Variants in CWC27 observed in about 807,000 individuals in gnomAD.
CWC27 encodes the protein CWC27 spliceosome associated cyclophilin.
In CWC27, 47 loss-of-function variants were observed where a neutral mutation model predicts 63.6. The ratio of observed to expected loss-of-function variants is 0.74; its 90% CI spans 0.58 to 0.94. The LOEUF is 0.94. Ranked by LOEUF, CWC27 falls within the 40% of genes least tolerant of loss-of-function variation. The pLI is 0.00. For synonymous variants in CWC27, 175 were observed against 179.8 expected (o/e 0.97, Z 0.22); for missense variants, 495 against 554.3 (o/e 0.89, Z 1.07).
At chr5:64,885,786 C>G (rs1031004484) in intron 11 of CWC27, among the ~76,000 whole-genome samples, 3 of 146,190 alleles carry the variant, frequency 2.1e-5, no homozygotes, top group African/African-American at 7.5e-5. Context: ...AATTTCCACC[C>G]AGGAAATTTG....
intron 3 of CWC27, among the ~76,000 whole-genome samples, chr5:64,783,124 G>GA (rs1743757278): frequency 6.6e-6 from 1 of 152,078 alleles, no homozygotes; most frequent in Non-Finnish European, 1.5e-5. Flanking sequence ...ATTTATTAAG[G>GA]AAAAATATCT....
At chr5:64,954,205 C>G (rs1177853883) in intron 11 of CWC27, among the ~76,000 whole-genome samples, 1 of 152,126 alleles carries the variant, frequency 6.6e-6, no homozygotes, top group East Asian at 1.9e-4. Flanking sequence ...TCATTTTCTA[C>G]AGTTTTCAGC....
At chr5:64,870,411 A>C (rs1416956877) in intron 10 of CWC27, among the ~76,000 whole-genome samples, 1 of 151,994 alleles carries the variant, frequency 6.6e-6, no homozygotes, top group African/African-American at 2.4e-5. Context: ...AGTCACTCCA[A>C]AATATTTGAG....
intron 2 of CWC27, among the ~76,000 whole-genome samples, chr5:64,778,383 G>A (rs989072850): frequency 6.6e-6 from 1 of 152,060 alleles, no homozygotes; most frequent in Non-Finnish European, 1.5e-5. Context: ...GGGTAAGAGT[G>A]ACATTTTGAA....
intron 11 of CWC27, among the ~76,000 whole-genome samples, chr5:64,886,083 T>G (rs1475217780): frequency 6.6e-6 from 1 of 152,180 alleles, no homozygotes; most frequent in East Asian, 1.9e-4. Context: ...TTGTTTTTAC[T>G]CTTATGTTAA....
chr5:64,865,393 G>C (rs1746508269), intron 10 of CWC27, among the ~76,000 whole-genome samples: 1 of 152,010 alleles, frequency 6.6e-6, no homozygotes, highest in African/African-American at 2.4e-5. Context: ...GTAGAAGTTA[G>C]TTAGTATTCA....
chr5:64,853,595 G>T (rs770042672), intron 10 of CWC27, among the ~76,000 whole-genome samples: 1 of 151,968 alleles, frequency 6.6e-6, no homozygotes, highest in East Asian at 2.0e-4. Context: ...AGTTCTGTAG[G>T]CTGTAAGCAT....
At chr5:64,803,411 T>C (rs1233114894) in intron 9 of CWC27, among the ~76,000 whole-genome samples, 1 of 152,160 alleles carries the variant, frequency 6.6e-6, no homozygotes. Flanking sequence ...TCATGGAGTG[T>C]TTGCTGTAAT....
chr5:64,821,277 G>T (rs1745191173), intron 10 of CWC27, among the ~76,000 whole-genome samples: 1 of 151,970 alleles, frequency 6.6e-6, no homozygotes, highest in South Asian at 2.1e-4. Context: ...TAGAGACGGG[G>T]TTTCACCACG....
intron 10 of CWC27, among the ~76,000 whole-genome samples, chr5:64,854,008 C>G (rs557833008): frequency 6.6e-6 from 1 of 152,334 alleles, no homozygotes; most frequent in South Asian, 2.1e-4. Flanking sequence ...CACCATTCTA[C>G]TTTCTGTTTC....
At chr5:64,879,715 G>T (rs2112335861) in intron 10 of CWC27, among the ~76,000 whole-genome samples, 1 of 151,284 alleles carries the variant, frequency 6.6e-6, no homozygotes, top group Middle Eastern at 3.4e-3. Context: ...GGAGTGTGTG[G>T]ATTACAAGTC....
intron 10 of CWC27, chr5:64,804,707 G>C: frequency 5.4e-6 from 1 of 185,174 alleles, no homozygotes; most frequent in Non-Finnish European, 1.1e-5. Flanking sequence ...ATACCAATGA[G>C]AGCAGTAGAG....
Position 64,908,157 on chromosome 5 carries a change from A to G in CWC27, c.1042+22611A>G, listed in dbSNP as rs539637246. On this transcript the variant is annotated intron_variant, in intron 11 of 13. Transcript: ENST00000381070. ...TTCGTTATTTACCCAGGATTCACTC[A>G]GGAGCAGGTTGTTTAGTTTCCATGT... Among the ~76,000 whole-genome samples, 28 of 152,324 alleles carry G rather than the reference A, an allele frequency of 1.8e-4. No homozygotes were observed. The South Asian group carries it at 4.2e-3, about 23-fold the overall frequency.
chr5:65,008,036 C>T (rs1409867246), intron 13 of CWC27, among the ~76,000 whole-genome samples: 1 of 152,192 alleles, frequency 6.6e-6, no homozygotes, highest in African/African-American at 2.4e-5. Flanking sequence ...AATATGGTCA[C>T]ATAGTATATT....
At chr5:64,910,087 G>A (rs1341464938) in intron 11 of CWC27, among the ~76,000 whole-genome samples, 1 of 152,178 alleles carries the variant, frequency 6.6e-6, no homozygotes, top group Non-Finnish European at 1.5e-5. Context: ...GATCTTTGAT[G>A]TTGGTGACCT....
intron 9 of CWC27, 149 bp from the exon 10 acceptor site, chr5:64,804,080 A>T: frequency 1.5e-6 from 1 of 685,954 alleles, no homozygotes; most frequent in Non-Finnish European, 2.2e-6. Context: ...CAGATTCTTC[A>T]AGGGCTTATA....
At chr5:64,805,910 T>A (rs1178922483) in intron 10 of CWC27, among the ~76,000 whole-genome samples, 1 of 152,166 alleles carries the variant, frequency 6.6e-6, no homozygotes, top group East Asian at 1.9e-4. Context: ...GGCTGTAGTA[T>A]GGGCCTGATG....
At chr5:64,986,715 C>CT in intron 13 of CWC27, among the ~76,000 whole-genome samples, 1 of 151,160 alleles carries the variant, frequency 6.6e-6, no homozygotes, top group Admixed American at 6.6e-5. Context: ...CCAGGAGTTT[C>CT]TTACTGTCAT....
At chr5:64,819,747 ATACGGGGACAAAACACCTAT>A (rs1391578835) in intron 10 of CWC27, among the ~76,000 whole-genome samples, 1 of 152,156 alleles carries the variant, frequency 6.6e-6, no homozygotes, top group Non-Finnish European at 1.5e-5. Context: ...GAATGGACTA[ATACGGGGACAAAACACCTAT>A]TATAGTACTT....
Sources: allele counts gnomAD v4.1 joint callset (sites outside exome capture counted in the v4.1 genomes callset), GRCh38; gene constraint gnomAD v4.1.1; transcripts MANE v1.5; gene names NCBI Gene and HGNC (gene_info 2026-07-23, HGNC 2026-07-21).